Variants in WWOX observed in about 807,000 individuals in gnomAD.
WWOX encodes WW domain-containing oxidoreductase.
A neutral mutation model predicts 46.2 loss-of-function variants in WWOX; 69 were observed. That is an observed-to-expected ratio of 1.49 (90% confidence interval 1.23 to 1.82). WWOX has a LOEUF of 1.82. WWOX is among the 40% of genes most tolerant of loss of function. The probability of loss-of-function intolerance (pLI) is 0.00; values close to 1 mark genes in which losing one functional copy is unlikely to be tolerated. For synonymous variants in WWOX, 359 were observed against 202.6 expected, an observed-to-expected ratio of 1.77 and a Z score of -6.56; for missense variants, 919 against 542.6, an observed-to-expected ratio of 1.69 and a Z score of -6.89.
At chr16:78,100,208 G>T (rs2031671184) in intron 1 of WWOX, 9 of 1,181,498 alleles carry the variant, frequency 7.6e-6, no homozygotes, top group Non-Finnish European at 9.5e-6. Context: ...CACATGCTCA[G>T]CTCCCTCCTG....
intron 8 of WWOX, among the ~76,000 whole-genome samples, chr16:78,709,491 C>G (rs75502356): frequency 6.6e-6 from 1 of 152,182 alleles, no homozygotes; most frequent in African/African-American, 2.4e-5. Flanking sequence ...CTGTTCATCT[C>G]TGACACAGGC....
At chr16:79,178,059 C>G (rs966354203) in intron 8 of WWOX, among the ~76,000 whole-genome samples, 1 of 152,110 alleles carries the variant, frequency 6.6e-6, no homozygotes, top group Non-Finnish European at 1.5e-5. Flanking sequence ...TAGAAAGGCA[C>G]AAATCCACTC....
intron 8 of WWOX, among the ~76,000 whole-genome samples, chr16:79,022,255 T>A (rs1367341872): frequency 6.8e-6 from 1 of 146,646 alleles, no homozygotes; most frequent in Non-Finnish European, 1.5e-5. Flanking sequence ...GACAAGTGCT[T>A]GGGGCACATT....
chr16:78,996,893 C>A (rs924864495), intron 8 of WWOX, among the ~76,000 whole-genome samples: 2 of 152,228 alleles, frequency 1.3e-5, no homozygotes, highest in Non-Finnish European at 1.5e-5. Context: ...CGTCCACAGT[C>A]CCTGCTCCGG....
chr16:79,130,621 C>T (rs898047955), intron 8 of WWOX, among the ~76,000 whole-genome samples: 1 of 152,210 alleles, frequency 6.6e-6, no homozygotes, highest in Non-Finnish European at 1.5e-5. Flanking sequence ...GGAGTTGAAA[C>T]TCCTATGCTG....
At chr16:79,170,774 G>C (rs935679608) in intron 8 of WWOX, among the ~76,000 whole-genome samples, 2 of 151,970 alleles carry the variant, frequency 1.3e-5, no homozygotes, top group Non-Finnish European at 2.9e-5. Flanking sequence ...CATTTACAAG[G>C]AGGTAATTTG....
At chr16:78,858,144 T>TTGTGTGTGTG (rs59637371) in intron 8 of WWOX, among the ~76,000 whole-genome samples, 20,598 of 148,454 alleles carry the variant, frequency 0.14, 1,523 homozygotes, top group Non-Finnish European at 0.18. Context: ...CATTGTGTGT[T>TTGTGTGTGTG]TGTGTGTGTG....
intron 8 of WWOX, among the ~76,000 whole-genome samples, chr16:78,846,624 C>G (rs1311255803): frequency 3.9e-5 from 6 of 152,080 alleles, no homozygotes; most frequent in Non-Finnish European, 8.8e-5. Flanking sequence ...TATCTTATTA[C>G]TAGTGATGTT....
chr16:78,920,946 G>T (rs973206695), intron 8 of WWOX, among the ~76,000 whole-genome samples: 3 of 152,190 alleles, frequency 2.0e-5, no homozygotes, highest in Non-Finnish European at 2.9e-5. Flanking sequence ...CACATAATAT[G>T]TGGTACTTTT....
At chr16:78,883,321 C>A (rs59047779) in intron 8 of WWOX, among the ~76,000 whole-genome samples, 2,583 of 152,162 alleles carry the variant, frequency 0.017, 77 homozygotes, top group African/African-American at 0.058. Context: ...AAATGCCATC[C>A]GGTGACATCC....
chr16:78,668,473 T>C (rs1232488333), intron 8 of WWOX, among the ~76,000 whole-genome samples: 1 of 152,166 alleles, frequency 6.6e-6, no homozygotes, highest in Admixed American at 6.5e-5. Context: ...TCATCATTCA[T>C]TATATTCTTA....
intron 8 of WWOX, among the ~76,000 whole-genome samples, chr16:78,835,802 A>C (rs2051964446): frequency 6.6e-6 from 1 of 152,240 alleles, no homozygotes; most frequent in South Asian, 2.1e-4. Flanking sequence ...GACATCTAGA[A>C]AAATGTCTTC....
intron 8 of WWOX, among the ~76,000 whole-genome samples, chr16:78,573,169 C>G (rs888056264): frequency 1.1e-4 from 16 of 151,986 alleles, no homozygotes; most frequent in African/African-American, 3.4e-4. Context: ...GCCTGTAGTC[C>G]CAGCTGCTCA....
chr16:79,043,583 C>A (rs1030085078), intron 8 of WWOX, among the ~76,000 whole-genome samples: 2 of 152,184 alleles, frequency 1.3e-5, no homozygotes, highest in African/African-American at 2.4e-5. Context: ...AATTTCCATC[C>A]TGCATTATAA....
chr16:78,815,327 GAAA>G (rs770386740), intron 8 of WWOX, among the ~76,000 whole-genome samples: 4 of 123,880 alleles, frequency 3.2e-5, no homozygotes, highest in Non-Finnish European at 3.5e-5. Flanking sequence ...TCTGTCTCGA[GAAA>G]AAAAAAAAAA....
chr16:78,929,784 C>T (rs952033906), intron 8 of WWOX, among the ~76,000 whole-genome samples: 20 of 152,198 alleles, frequency 1.3e-4, no homozygotes, highest in African/African-American at 4.3e-4. Context: ...TGACCAGAAT[C>T]TGACCTGGGG....
chr16:78,583,023 A>T (rs2045101428), intron 8 of WWOX, among the ~76,000 whole-genome samples: 1 of 152,204 alleles, frequency 6.6e-6, no homozygotes, highest in Non-Finnish European at 1.5e-5. Flanking sequence ...CATGCAAGAG[A>T]CCTAGGAATT....
rs548030297 is a variant in WWOX, at chr16:78,362,309, A to C, written c.517-24551A>C. Among the ~76,000 whole-genome samples, 26 of 152,232 alleles carry C rather than the reference A, an allele frequency of 1.7e-4. No individual in the cohort carries two copies. In the South Asian group the frequency reaches 5.0e-3, roughly 29 times the overall value. ...CAAGGTGATGATGGGTATGTGAAGCAGGATAAAGAAAAAAACAGGACAGGC... is the reference window on the plus strand; with the variant it reads ...CAAGGTGATGATGGGTATGTGAAGCCGGATAAAGAAAAAAACAGGACAGGC... On this transcript the variant is annotated intron_variant, in intron 5 of 8. Transcript: ENST00000566780.
At chr16:78,388,084 A>G (rs1029604966) in intron 6 of WWOX, among the ~76,000 whole-genome samples, 8 of 152,124 alleles carry the variant, frequency 5.3e-5, no homozygotes, top group African/African-American at 1.9e-4. Flanking sequence ...CCAGGTTGGA[A>G]CGTAGTGCAC....
Sources: gnomAD v4.1 joint callset for allele counts (sites outside exome capture counted in the v4.1 genomes callset) on GRCh38, gnomAD v4.1.1 for gene constraint, MANE v1.5 for transcripts, NCBI Gene and HGNC (gene_info 2026-07-23, HGNC 2026-07-21) for gene names.